The following PDE1A variants were observed in gnomAD, a reference collection of about 807,000 sequenced individuals.
PDE1A encodes the protein phosphodiesterase 1A, also known as dual specificity calcium/calmodulin-dependent 3',5'-cyclic nucleotide phosphodiesterase 1A.
PDE1A carries 35 observed loss-of-function variants against 61.7 expected under a neutral mutation model. The observed-to-expected ratio is 0.57, with a 90% CI of 0.43 to 0.75. PDE1A has a LOEUF of 0.75. PDE1A is among the 30% of genes least tolerant of loss of function. The pLI is 0.00. For synonymous variants in PDE1A, 232 were observed against 213.2 expected, an observed-to-expected ratio of 1.09 and a Z score of -0.77; for missense variants, 597 against 630.6, an observed-to-expected ratio of 0.95 and a Z score of 0.57.
At chr2:182,553,678 C>T in the PDE1A span, among the ~76,000 whole-genome samples, 4 of 152,322 alleles carry the variant, frequency 2.6e-5, no homozygotes, top group East Asian at 7.7e-4. Flanking sequence ...GAATGATTAA[C>T]TTGCCTGGGA....
intron 2 of PDE1A, among the ~76,000 whole-genome samples, chr2:182,262,593 C>A (rs1692302169): frequency 1.3e-5 from 2 of 152,100 alleles, no homozygotes; most frequent in Non-Finnish European, 2.9e-5. Flanking sequence ...CAAATAATTT[C>A]TCCAAGCTAT....
intron 1 of PDE1A, among the ~76,000 whole-genome samples, chr2:182,410,627 A>G (rs13410344): frequency 0.047 from 7,194 of 152,266 alleles, 571 homozygotes; most frequent in African/African-American, 0.16. Flanking sequence ...TGTGCAAAGA[A>G]TTTCTGTCTC....
chr2:182,538,752 T>C, the PDE1A span, among the ~76,000 whole-genome samples: 2 of 152,320 alleles, frequency 1.3e-5, no homozygotes, highest in African/African-American at 4.8e-5. Context: ...TTTGTTAAAA[T>C]TGGGTGAATC....
chr2:182,373,736 T>C (rs886129178), intron 1 of PDE1A, among the ~76,000 whole-genome samples: 3 of 152,178 alleles, frequency 2.0e-5, no homozygotes, highest in African/African-American at 7.2e-5. Context: ...TGAATATTTT[T>C]TTTCACATGA....
chr2:182,411,345 G>A (rs1702604054), intron 1 of PDE1A, among the ~76,000 whole-genome samples: 1 of 152,054 alleles, frequency 6.6e-6, no homozygotes, highest in East Asian at 1.9e-4. Flanking sequence ...ATGTATTTTT[G>A]GTTCCTCTTT....
chr2:182,326,254 A>G (rs899272702), intron 1 of PDE1A, among the ~76,000 whole-genome samples: 2 of 152,206 alleles, frequency 1.3e-5, no homozygotes, highest in Admixed American at 1.3e-4. Context: ...ACTAAAAGAG[A>G]TATTTGTAGA....
intron 2 of PDE1A, among the ~76,000 whole-genome samples, chr2:182,515,811 G>A (rs997090057): frequency 6.6e-6 from 1 of 152,168 alleles, no homozygotes; most frequent in African/African-American, 2.4e-5. Context: ...AGTTTGGTGA[G>A]GAAACTGGTG....
chr2:182,279,088 C>T (rs1693631574), intron 1 of PDE1A, among the ~76,000 whole-genome samples: 1 of 151,694 alleles, frequency 6.6e-6, no homozygotes, highest in South Asian at 2.1e-4. Context: ...AAACAATAAC[C>T]AAGGTATAAT....
At chr2:182,575,940 TTAATA>T in the PDE1A span, among the ~76,000 whole-genome samples, 3 of 147,212 alleles carry the variant, frequency 2.0e-5, no homozygotes, top group Admixed American at 2.1e-4. Flanking sequence ...ATATATAGTA[TTAATA>T]TATTATAATA....
chr2:182,650,156 A>G, the PDE1A span, among the ~76,000 whole-genome samples: 1 of 152,180 alleles, frequency 6.6e-6, no homozygotes, highest in Non-Finnish European at 1.5e-5. Flanking sequence ...TTTAAAACAC[A>G]CATGGCTTTA....
intron 1 of PDE1A, among the ~76,000 whole-genome samples, chr2:182,297,902 AAAGAACAC>A (rs1199789814): frequency 6.6e-6 from 1 of 152,208 alleles, no homozygotes; most frequent in East Asian, 1.9e-4. Context: ...GTAACTTGCT[AAAGAACAC>A]ATTATTTCCT....
the PDE1A span, among the ~76,000 whole-genome samples, chr2:182,710,610 CT>C: frequency 8.5e-5 from 13 of 152,126 alleles, no homozygotes; most frequent in Non-Finnish European, 1.6e-4. Flanking sequence ...CAATGTTTGC[CT>C]TTCTGTATTT....
intron 10 of PDE1A, among the ~76,000 whole-genome samples, chr2:182,192,082 C>T (rs1230598579): frequency 1.3e-5 from 2 of 152,038 alleles, no homozygotes; most frequent in African/African-American, 4.8e-5. Flanking sequence ...GTCTCGAACT[C>T]CTGACCTCAG....
intron 13 of PDE1A, among the ~76,000 whole-genome samples, chr2:182,169,932 A>ACACACACC (rs1692017571): frequency 8.6e-6 from 1 of 116,452 alleles, no homozygotes; most frequent in African/African-American, 2.9e-5. Flanking sequence ...GCACACACAC[A>ACACACACC]CACACACTCT....
At chr2:182,315,532 T>G (rs1013360097) in intron 1 of PDE1A, among the ~76,000 whole-genome samples, 1 of 152,152 alleles carries the variant, frequency 6.6e-6, no homozygotes, top group African/African-American at 2.4e-5. Flanking sequence ...ATGTATTGGT[T>G]GAAAAAAGAA....
At chr2:182,389,756 T>C (rs1038805806) in intron 1 of PDE1A, among the ~76,000 whole-genome samples, 1 of 151,954 alleles carries the variant, frequency 6.6e-6, no homozygotes, top group African/African-American at 2.4e-5. Flanking sequence ...TTGGGAGAGG[T>C]AGACTCACCC....
At chr2:182,183,302 A>C (rs1485384407) in intron 13 of PDE1A, among the ~76,000 whole-genome samples, 2 of 152,220 alleles carry the variant, frequency 1.3e-5, no homozygotes, top group African/African-American at 4.8e-5. Context: ...AATCAACCAA[A>C]GGGACATAAT....
exon 13 of PDE1A, chr2:182,185,978 G>T: frequency 6.2e-7 from 1 of 1,614,048 alleles, no homozygotes; most frequent in Non-Finnish European, 8.5e-7. Context: ...GTCCACTGCT[G>T]CAAGGGAGTA....
At chr2:182,442,550 C>T (rs1574665814) in intron 2 of PDE1A, among the ~76,000 whole-genome samples, 1 of 151,930 alleles carries the variant, frequency 6.6e-6, no homozygotes, top group South Asian at 2.1e-4. Flanking sequence ...AAATTATATG[C>T]ATTGTGTAAT....
Sources: gnomAD v4.1 joint callset for allele counts (sites outside exome capture counted in the v4.1 genomes callset) on GRCh38, gnomAD v4.1.1 for gene constraint, MANE v1.5 for transcripts, NCBI Gene and HGNC (gene_info 2026-07-23, HGNC 2026-07-21) for gene names.